IRS2: variants seen among roughly 807,000 people sequenced by gnomAD.
IRS2 encodes the protein insulin receptor substrate 2.
In IRS2, 28 loss-of-function variants were observed where a neutral mutation model predicts 70.9. The ratio of observed to expected loss-of-function variants is 0.39; its 90% CI spans 0.29 to 0.54. The LOEUF is 0.54. Among genes scored for constraint, IRS2 ranks in the 20% least tolerant of loss-of-function variants. The pLI is 0.59. For synonymous variants in IRS2, 1,217 were observed against 981.9 expected (o/e 1.24, Z -4.48); for missense variants, 2,081 against 2,024.1 (o/e 1.03, Z -0.54).
At chr13:109,769,104 C>T (rs9521509) in intron 1 of IRS2, among the ~76,000 whole-genome samples, 88,150 of 151,984 alleles carry the variant, frequency 0.58, 26,578 homozygotes, top group African/African-American at 0.75. Context: ...CTCAATGGTA[C>T]CTCAGCGTCT....
chr13:109,776,839 C>T (rs1169682927), intron 1 of IRS2, among the ~76,000 whole-genome samples: 1 of 152,200 alleles, frequency 6.6e-6, no homozygotes, highest in Non-Finnish European at 1.5e-5. Flanking sequence ...AGAATAACCA[C>T]TGCAGTCTTG....
In IRS2 at chr13:109,754,954, G is replaced by A. The variant is rs1877070070; in HGVS notation, c.*1350C>T. 4.5e-6 allele frequency: 1 copy of A among 223,802 alleles called. No individual in the cohort carries two copies. The highest frequency in any genetic ancestry group is 8.9e-6 in the Non-Finnish European group (1 of 112,310). 13.9% of individuals were successfully genotyped at this position (223,802 alleles called of 1,614,324 possible). On this transcript the variant is annotated 3_prime_UTR_variant, in exon 2 of 2. Coordinates refer to ENST00000375856, the MANE Select transcript of IRS2 (RefSeq NM_003749.3). ...TGGGGAAGCCCCCACGGGAGGAGAG[G>A]TCGACAGCCCTCCAATCAAGTGTCG...
At chr13:109,777,140 C>G (rs1236932772) in intron 1 of IRS2, among the ~76,000 whole-genome samples, 1 of 152,102 alleles carries the variant, frequency 6.6e-6, no homozygotes, top group Non-Finnish European at 1.5e-5. Context: ...CAGCACTTTG[C>G]CTCACCCAGT....
chr13:109,782,607 G>C lies in IRS2; in HGVS notation c.3447C>G (p.Ser1149=), dbSNP rs772225067. ...CCGTCGTGGTGGAGGAGAAGGTCTC[G>C]GAACTGTGGCGGCGGCGGCCCCCCT... ...DPQGGRRRHS[S]ETFSSTTTVT... Residue 1149 remains serine, a synonymous_variant, in exon 1 of 2, where the codon TCC becomes TCG. Transcript: ENST00000375856. 2.8e-5 allele frequency: 44 copies of C among 1,579,986 alleles called. 1 individual carries two copies. The highest frequency in any genetic ancestry group is 3.4e-6 in the Non-Finnish European group (4 of 1,164,080).
chr13:109,775,850 T>C (rs1877562984), intron 1 of IRS2, among the ~76,000 whole-genome samples: 1 of 151,194 alleles, frequency 6.6e-6, no homozygotes, highest in Admixed American at 6.6e-5. Context: ...AAAATGAATA[T>C]TAAAAGATCC....
chr13:109,760,591 G>A (rs538067531), intron 1 of IRS2, among the ~76,000 whole-genome samples: 23 of 152,340 alleles, frequency 1.5e-4, no homozygotes, highest in Non-Finnish European at 3.1e-4. Flanking sequence ...TGTCGCTTGT[G>A]ACAGATGACA....
chr13:109,784,467 C>T lies in IRS2; in HGVS notation c.1587G>A (p.Pro529=). The change falls in exon 1 of 2, where the codon CCG becomes CCA. Residue 529 remains proline (P), a synonymous_variant. Transcript: ENST00000375856. The surrounding 1 kb of genome is among the most constrained non-coding windows in gnomAD (Gnocchi z 5.2). Reference sequence around the variant, plus strand: ...CACCGCCGCCGCCGCCGTCTCGGGCCGGGGGCGTCTCCGCGATGGACTCGG... The same window carrying T: ...CACCGCCGCCGCCGCCGTCTCGGGCTGGGGGCGTCTCCGCGATGGACTCGG... The part of the protein sequence containing the change: ...NTPESIAETP[P]ARDGGGGGEF... The T allele has an allele frequency of 6.3e-7, 1 of 1,581,174 alleles. No individual in the cohort carries two copies. The highest frequency in any genetic ancestry group is 1.7e-5 in the Admixed American group (1 of 57,278).
intron 1 of IRS2, among the ~76,000 whole-genome samples, chr13:109,759,119 C>T (rs981087981): frequency 2.6e-5 from 4 of 152,216 alleles, no homozygotes; most frequent in African/African-American, 9.6e-5. Flanking sequence ...TACATGCACA[C>T]ACGTGCACCA....
At chr13:109,764,306 G>A (rs576534798) in intron 1 of IRS2, among the ~76,000 whole-genome samples, 1 of 152,208 alleles carries the variant, frequency 6.6e-6, no homozygotes, top group East Asian at 1.9e-4. Context: ...GGGTCCCCAG[G>A]GCTAGCATCT....
chr13:109,786,026 G>A lies in IRS2; in HGVS notation c.28C>T (p.Pro10Ser). ...GGGCCGTCTCCGCTCGCCGGCCCGG[G>A]CGGCCCGTGCCGCGGCGGGCTCGCC... MASPPRHGP[P>S]GPASGDGPNL... is the part of the protein sequence containing the mutation. Residue 10 changes from proline to serine, a missense_variant, in exon 1 of 2, where the codon CCC becomes TCC. This residue lies in a region of IRS2 where 320 missense variants were observed against 352.9 expected (regional missense o/e 0.91). Coordinates refer to ENST00000375856, the MANE Select transcript of IRS2 (RefSeq NM_003749.3). The surrounding 1 kb of genome is among the most constrained non-coding windows in gnomAD (Gnocchi z 4.4). 2.9e-6 allele frequency: 4 copies of A among 1,361,924 alleles called. No individual in the cohort carries two copies. The highest frequency in any genetic ancestry group is 1.5e-5 in the African/African-American group (1 of 65,642). 84.4% of individuals were successfully genotyped at this position (1,361,924 alleles called of 1,614,324 possible).
rs1213249755 is a variant in IRS2 at position 109,785,531 on chromosome 13, C to G, written c.523G>C (p.Ala175Pro). 1 of 1,582,938 alleles carries G rather than the reference C, an allele frequency of 6.3e-7. No individual in the cohort carries two copies. The highest frequency in any genetic ancestry group is 1.1e-5 in the South Asian group (1 of 88,332). ...ASLPGALGGS[A>P]GAAGAEDSYG... is the part of the protein sequence containing the mutation. Reference sequence around the variant, plus strand: ...CTGTCCTCGGCCCCGGCGGCGCCGGCAGAGCCGCCCAGGGCGCCGGGCAGG... The same window carrying G: ...CTGTCCTCGGCCCCGGCGGCGCCGGGAGAGCCGCCCAGGGCGCCGGGCAGG... The change falls in exon 1 of 2, where the codon GCC (alanine) becomes CCC (proline). Residue 175 changes from alanine (A) to proline (P), a missense_variant. Ala to Pro is a conservative substitution (Grantham distance 27). Transcript: ENST00000375856. The surrounding 1 kb of genome is among the most constrained non-coding windows in gnomAD (Gnocchi z 9.3).
rs577721060 is a variant in IRS2 at position 109,761,142 on chromosome 13, C to T, written c.4013-4834G>A. ...GTGGCAGCTCTGCCCAGGGAGGCCC[C>T]GGTCCTCTCTGCAGAGGGGCTTACG... On this transcript the variant is annotated intron_variant, in intron 1 of 1. Transcript: ENST00000375856. Among the ~76,000 whole-genome samples, 28 of 152,324 alleles carry T rather than the reference C, an allele frequency of 1.8e-4. 1 individual carries two copies. The South Asian group carries it at 1.9e-3, about 10-fold the overall frequency.
chr13:109,782,845 C>T lies in IRS2; in HGVS notation c.3209G>A (p.Gly1070Asp). The change falls in exon 1 of 2, where the codon GGT becomes GAT. Residue 1070 changes from glycine (G) to aspartate (D), a missense_variant. This residue lies in a region of IRS2 where 1,615 missense variants were observed against 1,459.5 expected (regional missense o/e 1.11). Coordinates refer to ENST00000375856, the MANE Select transcript of IRS2 (RefSeq NM_003749.3). ...ACCAAAAGCCATCTCGGTGTAGTCACCATTGTCCCCGGTGTCCGAGGACAA... is the reference window on the plus strand; with the variant it reads ...ACCAAAAGCCATCTCGGTGTAGTCATCATTGTCCCCGGTGTCCGAGGACAA... The part of the protein sequence containing the change: ...SSLSSDTGDN[G>D]DYTEMAFGVA... The T allele has an allele frequency of 3.8e-6, 6 of 1,584,844 alleles. No individual in the cohort carries two copies. Among genetic ancestry groups the T allele is most frequent in the Non-Finnish European group, 5.1e-6 (6 of 1,166,924 alleles).
chr13:109,784,786 C>T lies in IRS2; in HGVS notation c.1268G>A (p.Gly423Asp). Residue 423 changes from glycine to aspartate, a missense_variant, in exon 1 of 2, where the codon GGC becomes GAC. Around this residue, in one of 4 missense-constraint regions of IRS2, gnomAD observed 1,615 missense variants for 1,459.5 expected, o/e 1.11. Transcript: ENST00000375856. This position sits in a 1 kb window ranked among gnomAD's most constrained non-coding sequence, Gnocchi z 5.2. ...CATGGAGCGGCTGTGTTGCAGCGCG[C>T]CCCCTGCCGGCAGCAGCGCCACCTT... is the stretch of plus-strand genomic sequence containing the variant. ...GSKVALLPAG[G>D]ALQHSRSMSM... The T allele has an allele frequency of 2.4e-6, 3 of 1,257,418 alleles. No homozygotes were observed. The highest frequency in any genetic ancestry group is 3.0e-6 in the Non-Finnish European group (3 of 1,000,156). 77.9% of individuals were successfully genotyped at this position (1,257,418 alleles called of 1,614,324 possible).
chr13:109,763,785 G>A (rs1041006428), intron 1 of IRS2, among the ~76,000 whole-genome samples: 1 of 152,092 alleles, frequency 6.6e-6, no homozygotes, highest in African/African-American at 2.4e-5. Context: ...GTTTATATCA[G>A]AAATTATAAA....
At chr13:109,780,021 C>A (rs1336000138) in intron 1 of IRS2, among the ~76,000 whole-genome samples, 1 of 152,172 alleles carries the variant, frequency 6.6e-6, no homozygotes, top group Non-Finnish European at 1.5e-5. Context: ...AAACGCCTTG[C>A]GTCCCTCCAG....
rs1249914020 is a variant in IRS2 at position 109,785,789 on chromosome 13, G to T, written c.265C>A (p.Pro89Thr). 1 of 1,584,206 alleles carries T rather than the reference G, an allele frequency of 6.3e-7. No individual in the cohort carries two copies. The highest frequency in any genetic ancestry group is 1.7e-5 in the Admixed American group (1 of 58,608). Residue 89 changes from proline to threonine, a missense_variant, in exon 1 of 2, where the codon CCG becomes ACG. Physicochemically the swap from Pro to Thr is conservative, Grantham distance 38. This residue lies in a region of IRS2 where 320 missense variants were observed against 352.9 expected (regional missense o/e 0.91). Coordinates refer to ENST00000375856, the MANE Select transcript of IRS2 (RefSeq NM_003749.3). The surrounding 1 kb of genome is among the most constrained non-coding windows in gnomAD (Gnocchi z 9.3). ...EKKWRSKAGA[P>T]KRVIALDCCL... The stretch of plus-strand genomic sequence containing the variant: ...CAGTCGAGAGCGATCACCCGTTTCG[G>T]CGCGCCTGCCTTGCTCCGCCACTTT...
chr13:109,784,751 C>A lies in IRS2; in HGVS notation c.1303G>T (p.Val435Leu), dbSNP rs1877860654. 1.6e-6 allele frequency: 2 copies of A among 1,230,646 alleles called. No individual in the cohort carries two copies. The highest frequency in any genetic ancestry group is 3.2e-5 in the South Asian group (1 of 31,330). 76.2% of individuals were successfully genotyped at this position (1,230,646 alleles called of 1,614,324 possible). ...GTGGCGGCGGGCGGCGAGTGCGCCA[C>A]GGGCATGGACATGGAGCGGCTGTGT... ...LQHSRSMSMPVAHSPPAATSP... is the reference protein window; with the variant it reads ...LQHSRSMSMPLAHSPPAATSP... The change falls in exon 1 of 2, where the codon GTG (valine) becomes TTG (leucine). Residue 435 changes from valine (V) to leucine (L), a missense_variant. Physicochemically the swap from Val to Leu is conservative, Grantham distance 32. Around this residue, in one of 4 missense-constraint regions of IRS2, gnomAD observed 1,615 missense variants for 1,459.5 expected, o/e 1.11. Transcript: ENST00000375856. This position sits in a 1 kb window ranked among gnomAD's most constrained non-coding sequence, Gnocchi z 5.2.
intron 1 of IRS2, among the ~76,000 whole-genome samples, chr13:109,764,813 C>A (rs1249654190): frequency 6.6e-6 from 1 of 152,186 alleles, no homozygotes; most frequent in African/African-American, 2.4e-5. Context: ...TAAACAACTG[C>A]CGAATGCACA....
Sources: allele counts gnomAD v4.1 joint callset (sites outside exome capture counted in the v4.1 genomes callset), GRCh38; gene constraint gnomAD v4.1.1; regional missense constraint gnomAD v4.1.1; non-coding constraint Gnocchi (gnomAD v3.1); transcripts MANE v1.5; gene names NCBI Gene and HGNC (gene_info 2026-07-23, HGNC 2026-07-21).